NXPE2: variants seen among roughly 807,000 people sequenced by gnomAD.
NXPE2 encodes the protein NXPE family member 2.
Under a neutral mutation model 34.4 loss-of-function variants are expected in NXPE2, and 34 were observed. The ratio of observed to expected loss-of-function variants is 0.99; its 90% CI spans 0.75 to 1.31. NXPE2 has a LOEUF of 1.31. Ranked by LOEUF, NXPE2 falls within the 40% of genes most tolerant of loss-of-function variation. NXPE2 has a pLI of 0.00. For missense variants in NXPE2, 649 were observed against 672.5 expected (o/e 0.97, Z 0.39); for synonymous variants, 235 against 231.3 (o/e 1.02, Z -0.15).
chr11:114,645,171 G>A, the NXPE2 span, among the ~76,000 whole-genome samples: 13 of 151,990 alleles, frequency 8.6e-5, no homozygotes, highest in South Asian at 4.2e-4. Flanking sequence ...GCGTGATGGC[G>A]TGCACTTATA....
At chr11:114,606,189 A>T in the NXPE2 span, among the ~76,000 whole-genome samples, 3 of 138,336 alleles carry the variant, frequency 2.2e-5, no homozygotes, top group East Asian at 2.3e-4. Flanking sequence ...GGGTAATCAC[A>T]GTTACCCGGT....
the NXPE2 span, among the ~76,000 whole-genome samples, chr11:114,561,963 G>C: frequency 6.6e-6 from 1 of 151,654 alleles, no homozygotes; most frequent in African/African-American, 2.4e-5. Context: ...TTTATTTCAC[G>C]TATCATATTT....
At chr11:114,802,866 G>A in the NXPE2 span, among the ~76,000 whole-genome samples, 3 of 151,010 alleles carry the variant, frequency 2.0e-5, no homozygotes, top group Non-Finnish European at 4.4e-5. Context: ...CAATTATACT[G>A]GAAAGTAAAA....
the NXPE2 span, among the ~76,000 whole-genome samples, chr11:114,601,722 A>ACT: frequency 1.4e-5 from 1 of 72,440 alleles, no homozygotes; most frequent in Non-Finnish European, 2.3e-5. Flanking sequence ...TATATATTAT[A>ACT]ATTATATATT....
chr11:114,808,875 G>A, the NXPE2 span, among the ~76,000 whole-genome samples: 1 of 152,028 alleles, frequency 6.6e-6, no homozygotes, highest in African/African-American at 2.4e-5. Flanking sequence ...CCAAAGCCTG[G>A]CAGAGACACA....
the NXPE2 span, among the ~76,000 whole-genome samples, chr11:114,611,888 T>A: frequency 6.6e-6 from 1 of 151,910 alleles, no homozygotes; most frequent in Admixed American, 6.6e-5. Context: ...TATTGCCTCA[T>A]GGGTAAACAC....
intron 3 of NXPE2, among the ~76,000 whole-genome samples, chr11:114,699,796 ATTTTT>A (rs11314562): frequency 7.7e-6 from 1 of 129,638 alleles, no homozygotes; most frequent in Non-Finnish European, 1.7e-5. Context: ...CCATTCATTC[ATTTTT>A]TTTTTTTTTT....
At chr11:114,564,340 A>T in the NXPE2 span, among the ~76,000 whole-genome samples, 8 of 152,116 alleles carry the variant, frequency 5.3e-5, no homozygotes, top group African/African-American at 1.9e-4. Context: ...GGGATAAAAG[A>T]CTACACATTG....
the NXPE2 span, among the ~76,000 whole-genome samples, chr11:114,621,037 C>T: frequency 2.0e-5 from 3 of 151,272 alleles, no homozygotes; most frequent in Non-Finnish European, 4.4e-5. Context: ...TTACGCAGTG[C>T]ACAATAAGTG....
At chr11:114,554,344 T>A in the NXPE2 span, 1 of 985,108 alleles carries the variant, frequency 1.0e-6, no homozygotes. Context: ...TCTTCCTACT[T>A]GTGTAAATGA....
the NXPE2 span, among the ~76,000 whole-genome samples, chr11:114,652,358 C>T: frequency 2.0e-5 from 3 of 152,198 alleles, no homozygotes; most frequent in Non-Finnish European, 4.4e-5. Context: ...GCTCCCTGTG[C>T]CTAAGCTTGA....
the NXPE2 span, among the ~76,000 whole-genome samples, chr11:114,516,933 C>G: frequency 6.6e-6 from 1 of 152,156 alleles, no homozygotes; most frequent in Non-Finnish European, 1.5e-5. Flanking sequence ...CACCCTGGCA[C>G]CCTTCCATAG....
the NXPE2 span, among the ~76,000 whole-genome samples, chr11:114,494,219 T>C: frequency 6.6e-6 from 1 of 152,198 alleles, no homozygotes; most frequent in African/African-American, 2.4e-5. Flanking sequence ...ATATCCTTTT[T>C]GTACTTGAAT....
chr11:114,743,383 T>C, the NXPE2 span, among the ~76,000 whole-genome samples: 13 of 152,154 alleles, frequency 8.5e-5, no homozygotes, highest in African/African-American at 1.2e-4. Context: ...GAAATTATGA[T>C]AGTACTTATT....
At chr11:114,761,640 C>T in the NXPE2 span, among the ~76,000 whole-genome samples, 1 of 140,176 alleles carries the variant, frequency 7.1e-6, no homozygotes, top group Non-Finnish European at 1.5e-5. Context: ...GTGGCGCAAT[C>T]TCGGCTCACT....
At chr11:114,734,504 G>T in the NXPE2 span, among the ~76,000 whole-genome samples, 2 of 152,108 alleles carry the variant, frequency 1.3e-5, no homozygotes, top group Admixed American at 1.3e-4. Flanking sequence ...ACTGCTGTTG[G>T]TCATGGTTCA....
the NXPE2 span, among the ~76,000 whole-genome samples, chr11:114,591,841 A>T: frequency 1.3e-5 from 2 of 152,202 alleles, no homozygotes; most frequent in Admixed American, 1.3e-4. Context: ...CCTTGATGCA[A>T]GGATTATCTG....
At chr11:114,690,607 A>G (rs1351815065) in intron 2 of NXPE2, among the ~76,000 whole-genome samples, 6 of 152,044 alleles carry the variant, frequency 3.9e-5, no homozygotes, top group African/African-American at 7.2e-5. Flanking sequence ...TATCTCATCA[A>G]AGTTCTCTGG....
chr11:114,523,292 T>C, the NXPE2 span, among the ~76,000 whole-genome samples: 1 of 152,180 alleles, frequency 6.6e-6, no homozygotes, highest in African/African-American at 2.4e-5. Context: ...TTTTGAGTCA[T>C]CTTGCCTTCT....
Sources: allele counts gnomAD v4.1 joint callset (sites outside exome capture counted in the v4.1 genomes callset), GRCh38; gene constraint gnomAD v4.1.1; transcripts MANE v1.5; gene names NCBI Gene and HGNC (gene_info 2026-07-23, HGNC 2026-07-21).